MDM1: variants seen among roughly 807,000 people sequenced by gnomAD.
MDM1 encodes the protein Mdm1 nuclear protein.
MDM1 carries 61 observed loss-of-function variants against 89.1 expected under a neutral mutation model. The ratio of observed to expected loss-of-function variants is 0.68; its 90% CI spans 0.56 to 0.85. The LOEUF (loss-of-function observed/expected upper bound fraction) is 0.85. Among genes scored for constraint, MDM1 ranks in the 40% least tolerant of loss-of-function variants. The pLI, the probability that MDM1 is intolerant of heterozygous loss-of-function variation, is 0.00. For synonymous variants in MDM1, 290 were observed against 294.1 expected (o/e 0.99, Z 0.14); for missense variants, 820 against 846.5 (o/e 0.97, Z 0.39).
At chr12:68,321,655 T>A in intron 5 of MDM1, 27 bp from the exon 6 acceptor site, 1 of 1,453,436 alleles carries the variant, frequency 6.9e-7, no homozygotes, top group Non-Finnish European at 9.6e-7. Context: ...TTAAGCTTTT[T>A]ATGCTTAAGA....
intron 8 of MDM1, 90 bp from the exon 9 acceptor site, chr12:68,316,343 C>T (rs747389656): frequency 1.5e-5 from 20 of 1,375,614 alleles, no homozygotes; most frequent in Non-Finnish European, 2.0e-5. Flanking sequence ...TGCACAAATA[C>T]AGCCAGGGAC....
At chr12:68,304,148 T>C (rs569217656) in intron 12 of MDM1, among the ~76,000 whole-genome samples, 1 of 152,288 alleles carries the variant, frequency 6.6e-6, no homozygotes, top group Non-Finnish European at 1.5e-5. Flanking sequence ...CAGTGGCTCA[T>C]GCCTGTAATC....
At chr12:68,312,867 G>T (rs761533618) in intron 12 of MDM1, among the ~76,000 whole-genome samples, 1 of 151,978 alleles carries the variant, frequency 6.6e-6, no homozygotes, top group African/African-American at 2.4e-5. Context: ...TGCACTTACT[G>T]TTCTTGTCAC....
intron 13 of MDM1, among the ~76,000 whole-genome samples, chr12:68,301,649 A>C (rs1478445373): frequency 1.3e-5 from 2 of 152,252 alleles, no homozygotes; most frequent in Non-Finnish European, 2.9e-5. Context: ...AACCCTTTCA[A>C]ATTTAAAGAC....
At chr12:68,303,926 A>G (rs1197076855) in intron 12 of MDM1, among the ~76,000 whole-genome samples, 1 of 152,204 alleles carries the variant, frequency 6.6e-6, no homozygotes, top group East Asian at 1.9e-4. Flanking sequence ...AGAAGTCAAG[A>G]ACAATTTTAC....
rs1026549325 is a variant in MDM1 at position 68,331,316 on chromosome 12, G to C, written c.19-95C>G. 1.1e-4 allele frequency: 85 copies of C among 776,356 alleles called. 1 individual carries two copies. Among genetic ancestry groups the C allele is most frequent in the Non-Finnish European group, 1.8e-4 (77 of 437,254 alleles). 48.1% of individuals were successfully genotyped at this position (776,356 alleles called of 1,614,324 possible). ...AAAATAATTTCTGAACCTCCCAAAA[G>C]AGACTTAAGACTGAAAATTAAACAC... On this transcript the variant is annotated intron_variant, in intron 1 of 14. Transcript: ENST00000682720.
chr12:68,301,380 GTT>G (rs1872135691), intron 13 of MDM1, among the ~76,000 whole-genome samples: 1 of 152,162 alleles, frequency 6.6e-6, no homozygotes, highest in African/African-American at 2.4e-5. Flanking sequence ...AATACTGCAT[GTT>G]CTCACTTACC....
In MDM1 at chr12:68,302,881, C is replaced by G; in HGVS notation, c.1750-9G>C. Reference sequence around the variant, plus strand: ...ACAGCACGACTTTCTTTCTAAATGACAAAAAAAAAAAAAAAAAAAAGATGC... The same window carrying G: ...ACAGCACGACTTTCTTTCTAAATGAGAAAAAAAAAAAAAAAAAAAAGATGC... On this transcript the variant is annotated splice_polypyrimidine_tract_variant and intron_variant, in intron 12 of 14. Coordinates refer to ENST00000682720, the MANE Select transcript of MDM1 (RefSeq NM_001354969.2). 3.6e-6 allele frequency: 4 copies of G among 1,103,228 alleles called. No homozygotes were observed. Among genetic ancestry groups the G allele is most frequent in the Admixed American group, 4.1e-5 (1 of 24,402 alleles). 68.3% of individuals were successfully genotyped at this position (1,103,228 alleles called of 1,614,324 possible). A position where few individuals can be genotyped will look rare whatever the true frequency, so the allele number is the denominator to read the frequency against.
intron 2 of MDM1, among the ~76,000 whole-genome samples, chr12:68,330,150 A>G (rs1216030378): frequency 6.6e-6 from 1 of 152,122 alleles, no homozygotes; most frequent in Non-Finnish European, 1.5e-5. Context: ...ACACTTCCCT[A>G]CAATTTTATA....
At chr12:68,302,985 A>ACACCAGC in intron 12 of MDM1, 113 bp from the exon 13 acceptor site, 1 of 966,806 alleles carries the variant, frequency 1.0e-6, no homozygotes, top group Non-Finnish European at 1.5e-6. Flanking sequence ...GAGAAATATG[A>ACACCAGC]GAGAATTTAT....
chr12:68,331,999 A>G, intron 1 of MDM1: 1 of 705,924 alleles, frequency 1.4e-6, no homozygotes, highest in Non-Finnish European at 2.6e-6. Context: ...TGTGTCTCGC[A>G]CCATCTGACT....
chr12:68,322,966 T>C, intron 5 of MDM1, 107 bp downstream of exon 5: 2 of 945,904 alleles, frequency 2.1e-6, no homozygotes, highest in South Asian at 3.2e-5. Flanking sequence ...AATGAATTAA[T>C]GAACTAGTGA....
At position 68,332,323 on chromosome 12, in the gene MDM1, G is replaced by C. The variant is rs1032979530; in HGVS notation, c.-78C>G. 25 of 1,469,434 alleles carry C rather than the reference G, an allele frequency of 1.7e-5. No homozygotes were observed. The highest frequency in any genetic ancestry group is 1.8e-4 in the Middle Eastern group (1 of 5,694). 91.0% of individuals were successfully genotyped at this position (1,469,434 alleles called of 1,614,324 possible). A position where few individuals can be genotyped will look rare whatever the true frequency, so the allele number is the denominator to read the frequency against. ...TCCGAGGGGGCGGGGCGATAACAGT[G>C]TTCCCTAGCAAAGCCTCGGCCCGGC... On this transcript the variant is annotated 5_prime_UTR_variant, in exon 1 of 15. Transcript: ENST00000682720.
chr12:68,328,396 G>A (rs1316619996), intron 2 of MDM1, among the ~76,000 whole-genome samples: 1 of 152,090 alleles, frequency 6.6e-6, no homozygotes, highest in African/African-American at 2.4e-5. Flanking sequence ...TAATTTGGCC[G>A]GTTAGTTTGC....
At chr12:68,325,870 A>T (rs1592991081) in intron 3 of MDM1, 1 of 1,032,076 alleles carries the variant, frequency 9.7e-7, no homozygotes, top group Non-Finnish European at 1.2e-6. Context: ...TCATAATTAA[A>T]TCTATTACCA....
chr12:68,296,310 C>T (rs866313573), intron 14 of MDM1, among the ~76,000 whole-genome samples: 19 of 152,128 alleles, frequency 1.2e-4, no homozygotes, highest in South Asian at 6.2e-4. Flanking sequence ...CCATCCTGGC[C>T]AACATGGTGA....
Position 68,302,878 on chromosome 12 carries a change from T to TAAAA in MDM1, c.1750-7_1750-6insTTTT. 3.8e-6 allele frequency: 4 copies of TAAAA among 1,058,468 alleles called. No individual in the cohort carries two copies. Among genetic ancestry groups the TAAAA allele is most frequent in the Admixed American group, 6.1e-5 (1 of 16,276 alleles). The allele number at this position is 1,058,468 out of a possible 1,614,324, so 65.6% of individuals were successfully genotyped here. ...GATACAGCACGACTTTCTTTCTAAA[T>TAAAA]GACAAAAAAAAAAAAAAAAAAAAGA... On this transcript the variant is annotated splice_region_variant and splice_polypyrimidine_tract_variant and intron_variant, in intron 12 of 14. Coordinates refer to ENST00000682720, the MANE Select transcript of MDM1 (RefSeq NM_001354969.2).
rs758673193 is a variant in MDM1 at position 68,326,072 on chromosome 12, G to A, written c.499-497C>T. On this transcript the variant is annotated intron_variant, in intron 3 of 14. Transcript: ENST00000682720. ...AGTGGTGGACATGAACCAGAGAAGA[G>A]CAGTGGAACAGAATGGAGAAAGAAA... 18 of 998,406 alleles carry A rather than the reference G, an allele frequency of 1.8e-5. No individual in the cohort carries two copies. The South Asian group carries it at 5.3e-4, about 30-fold the overall frequency. 61.8% of individuals were successfully genotyped at this position (998,406 alleles called of 1,614,324 possible).
At chr12:68,320,029 A>G (rs981023578) in intron 7 of MDM1, among the ~76,000 whole-genome samples, 2 of 152,236 alleles carry the variant, frequency 1.3e-5, no homozygotes, top group African/African-American at 4.8e-5. Flanking sequence ...CACAGTCTTC[A>G]AAACAAAGAG....
Sources: allele counts gnomAD v4.1 joint callset (sites outside exome capture counted in the v4.1 genomes callset), GRCh38; gene constraint gnomAD v4.1.1; transcripts MANE v1.5; gene names NCBI Gene and HGNC (gene_info 2026-07-23, HGNC 2026-07-21).